The following EXOC4 variants were observed in gnomAD, a reference collection of about 807,000 sequenced individuals.
EXOC4 encodes the protein exocyst complex component 4.
In EXOC4, 71 loss-of-function variants were observed where a neutral mutation model predicts 107.2. The ratio of observed to expected loss-of-function variants is 0.66; its 90% CI spans 0.55 to 0.81. EXOC4 has a LOEUF of 0.81. Ranked by LOEUF, EXOC4 falls within the 30% of genes least tolerant of loss-of-function variation. The pLI is 0.00. For missense variants in EXOC4, 1,108 were observed against 1,189.6 expected, an observed-to-expected ratio of 0.93 and a Z score of 1.01; for synonymous variants, 456 against 441.2, an observed-to-expected ratio of 1.03 and a Z score of -0.42.
chr7:133,546,525 G>C (rs1800485616), intron 9 of EXOC4, among the ~76,000 whole-genome samples: 1 of 152,024 alleles, frequency 6.6e-6, no homozygotes, highest in African/African-American at 2.4e-5. Flanking sequence ...CAGTGTGCTG[G>C]GATTGCAGGA....
rs565612316 is a variant in EXOC4 at position 133,378,318 on chromosome 7, A to T, written c.1182+3316A>T. Among the ~76,000 whole-genome samples, 3 of 151,408 alleles carry T rather than the reference A, an allele frequency of 2.0e-5. No homozygotes were observed. The South Asian group carries it at 6.3e-4, about 32-fold the overall frequency. The stretch of plus-strand genomic sequence containing the variant: ...GAGTGAGACTCCATCTCAAAAAAAA[A>T]AAAAAAAGAGTTTTTCAGGCTGAAG... On this transcript the variant is annotated intron_variant, in intron 7 of 17. Coordinates refer to ENST00000253861, the MANE Select transcript of EXOC4 (RefSeq NM_021807.4).
intron 11 of EXOC4, among the ~76,000 whole-genome samples, chr7:133,847,353 G>C (rs1798147636): frequency 1.3e-5 from 2 of 150,578 alleles, no homozygotes; most frequent in Non-Finnish European, 3.0e-5. Flanking sequence ...AGGGGGAGAG[G>C]ATTAGGATTC....
At chr7:134,017,222 G>A (rs928207548) in intron 17 of EXOC4, among the ~76,000 whole-genome samples, 11 of 152,036 alleles carry the variant, frequency 7.2e-5, no homozygotes, top group Admixed American at 2.6e-4. Context: ...ATTATTAGCC[G>A]TGTAGATTTG....
At chr7:133,983,838 C>T (rs1034966869) in intron 14 of EXOC4, among the ~76,000 whole-genome samples, 10 of 152,278 alleles carry the variant, frequency 6.6e-5, no homozygotes, top group African/African-American at 2.2e-4. Flanking sequence ...CACCACAATA[C>T]TGCTTTTCAA....
chr7:133,377,075 G>C (rs1243537574), intron 7 of EXOC4, among the ~76,000 whole-genome samples: 1 of 152,138 alleles, frequency 6.6e-6, no homozygotes, highest in African/African-American at 2.4e-5. Flanking sequence ...AATCCACCAG[G>C]GAGTGGTGGC....
At chr7:134,051,566 G>A (rs540198976) in intron 17 of EXOC4, among the ~76,000 whole-genome samples, 32 of 152,094 alleles carry the variant, frequency 2.1e-4, no homozygotes, top group South Asian at 4.2e-4. Flanking sequence ...CAGCTACTCC[G>A]GAGGCTGAGG....
chr7:133,613,666 T>A (rs1465442015), intron 9 of EXOC4, among the ~76,000 whole-genome samples: 3 of 151,974 alleles, frequency 2.0e-5, no homozygotes, highest in Non-Finnish European at 4.4e-5. Context: ...GCAGCTGTGG[T>A]TTCTTGCCAT....
chr7:134,014,793 GT>G (rs1794862938), intron 17 of EXOC4, among the ~76,000 whole-genome samples: 1 of 151,050 alleles, frequency 6.6e-6, no homozygotes, highest in African/African-American at 2.4e-5. Flanking sequence ...CGATGAAGGA[GT>G]TTAAAAAAAA....
chr7:133,297,045 C>T (rs2150556745), intron 3 of EXOC4, among the ~76,000 whole-genome samples: 1 of 152,270 alleles, frequency 6.6e-6, no homozygotes, highest in East Asian at 1.9e-4. Flanking sequence ...CATTTAGCAA[C>T]AGTGGTAAGT....
chr7:133,575,674 G>A (rs1043347127), intron 9 of EXOC4, among the ~76,000 whole-genome samples: 1 of 152,166 alleles, frequency 6.6e-6, no homozygotes, highest in African/African-American at 2.4e-5. Context: ...GCACAGCAAA[G>A]CAAAGAGGGT....
intron 9 of EXOC4, among the ~76,000 whole-genome samples, chr7:133,588,962 A>G (rs59459820): frequency 0.13 from 19,894 of 151,100 alleles, 1,390 homozygotes; most frequent in East Asian, 0.23. Flanking sequence ...GTGTGCACAT[A>G]TGTGTGTGTG....
At chr7:133,736,217 AC>A (rs992487922) in intron 10 of EXOC4, among the ~76,000 whole-genome samples, 7 of 152,148 alleles carry the variant, frequency 4.6e-5, no homozygotes, top group African/African-American at 1.7e-4. Context: ...ATACTCTTCT[AC>A]CCCAAGTTTA....
chr7:133,618,906 GA>G (rs1802259814), intron 9 of EXOC4, among the ~76,000 whole-genome samples: 1 of 152,048 alleles, frequency 6.6e-6, no homozygotes, highest in South Asian at 2.1e-4. Flanking sequence ...GTGAAAACAG[GA>G]AAAATGCCTC....
intron 11 of EXOC4, among the ~76,000 whole-genome samples, chr7:133,839,337 A>G (rs1797980282): frequency 6.6e-6 from 1 of 152,202 alleles, no homozygotes; most frequent in South Asian, 2.1e-4. Flanking sequence ...ATAATGAGAT[A>G]GTTTGTTGTG....
chr7:133,505,107 G>A (rs1799643849), intron 9 of EXOC4, among the ~76,000 whole-genome samples: 1 of 152,104 alleles, frequency 6.6e-6, no homozygotes, highest in South Asian at 2.1e-4. Context: ...CTCTGCATAA[G>A]GAAAAGGCTA....
intron 2 of EXOC4, among the ~76,000 whole-genome samples, chr7:133,278,086 C>T (rs960303918): frequency 1.3e-5 from 2 of 152,072 alleles, no homozygotes; most frequent in African/African-American, 4.8e-5. Context: ...TGAGTGCCCG[C>T]TATGTTGCTG....
At chr7:133,903,770 A>G (rs896723208) in intron 12 of EXOC4, among the ~76,000 whole-genome samples, 1 of 152,220 alleles carries the variant, frequency 6.6e-6, no homozygotes, top group South Asian at 2.1e-4. Flanking sequence ...ACTAGATGAA[A>G]TCTTCACAGG....
chr7:133,692,137 G>T (rs1794434664), intron 10 of EXOC4, among the ~76,000 whole-genome samples: 1 of 152,068 alleles, frequency 6.6e-6, no homozygotes, highest in South Asian at 2.1e-4. Context: ...AATTTATGAA[G>T]CAGTAGTAAC....
chr7:133,297,911 C>G (rs1376849618), intron 3 of EXOC4, among the ~76,000 whole-genome samples: 1 of 152,192 alleles, frequency 6.6e-6, no homozygotes, highest in Non-Finnish European at 1.5e-5. Context: ...TCGTTTGCTG[C>G]CATCCTCCAT....
Sources: allele counts gnomAD v4.1 joint callset (sites outside exome capture counted in the v4.1 genomes callset), GRCh38; gene constraint gnomAD v4.1.1; transcripts MANE v1.5; gene names NCBI Gene and HGNC (gene_info 2026-07-23, HGNC 2026-07-21).